Variants in TMEM255B observed in about 807,000 individuals in gnomAD.
The protein encoded by TMEM255B is transmembrane protein 255B, also known as family with sequence similarity 70, member B.
A neutral mutation model predicts 34.5 loss-of-function variants in TMEM255B; 35 were observed. That is an observed-to-expected ratio of 1.01 (90% CI 0.77 to 1.34). The LOEUF is 1.34. TMEM255B is among the 40% of genes most tolerant of loss of function. The pLI is 0.00. For missense variants in TMEM255B, 432 were observed against 433.2 expected, an observed-to-expected ratio of 1.00 and a Z score of 0.02; for synonymous variants, 206 against 201.2, an observed-to-expected ratio of 1.02 and a Z score of -0.20.
chr13:113,759,291 C>A lies in TMEM255B; in HGVS notation c.22C>A (p.Pro8Thr). Residue 8 changes from proline (P) to threonine (T), a missense_variant, in exon 1 of 9, where the codon CCC becomes ACC. Coordinates refer to ENST00000375353, the MANE Select transcript of TMEM255B (RefSeq NM_182614.4). MQPPVPGPLGLLDPAEGL... is the reference protein window; with the variant it reads MQPPVPGTLGLLDPAEGL... ...CGGGATGCAGCCGCCGGTGCCCGGG[C>A]CCCTGGGCCTGCTGGACCCCGCAGG... 1.6e-6 allele frequency: 2 copies of A among 1,229,132 alleles called. No individual in the cohort carries two copies. The highest frequency in any genetic ancestry group is 2.0e-6 in the Non-Finnish European group (2 of 986,236). 76.1% of individuals were successfully genotyped at this position (1,229,132 alleles called of 1,614,324 possible). A position where few individuals can be genotyped will look rare whatever the true frequency, so the allele number is the denominator to read the frequency against.
intron 3 of TMEM255B, among the ~76,000 whole-genome samples, chr13:113,790,688 G>GCGCGT (rs2050818344): frequency 1.4e-5 from 1 of 73,374 alleles, no homozygotes; most frequent in Non-Finnish European, 3.3e-5. Context: ...TGAACTGACT[G>GCGCGT]GACACATGGA....
rs114645066 is a variant in TMEM255B at position 113,814,752 on chromosome 13, T to G, written c.*2849T>G. The G allele has an allele frequency of 6.6e-6, 1 of 151,876 alleles. No individual in the cohort carries two copies. The highest frequency in any genetic ancestry group is 1.5e-5 in the Non-Finnish European group (1 of 67,984). The allele number at this position is 151,876 out of a possible 1,614,324, so 9.4% of individuals were successfully genotyped here. A position where few individuals can be genotyped will look rare whatever the true frequency, so the allele number is the denominator to read the frequency against. ...CTGGGGCCTTCTGATCCCAGCCTCC[T>G]CTGCAGGGATGGGCTCCCAATCCCG... On this transcript the variant is annotated 3_prime_UTR_variant, in exon 9 of 9. Transcript: ENST00000375353.
In TMEM255B at chr13:113,812,929, CCCGGG is replaced by C. The variant is rs1566341918; in HGVS notation, c.*1027_*1031del. The C allele has an allele frequency of 4.2e-5, 6 of 143,950 alleles. No individual in the cohort carries two copies. The highest frequency in any genetic ancestry group is 1.7e-4 in the African/African-American group (6 of 35,244). 8.9% of individuals were successfully genotyped at this position (143,950 alleles called of 1,614,324 possible). The stretch of plus-strand genomic sequence containing the variant: ...CACAGGCCCCGGGTGAGTCACGGGT[CCCGGG>C]TGGGTCACGGGTCCCGGGTGGGTCA... On this transcript the variant is annotated 3_prime_UTR_variant, in exon 9 of 9. Transcript: ENST00000375353.
At position 113,797,656 on chromosome 13, in the gene TMEM255B, G is replaced by T. The variant is rs115022883; in HGVS notation, c.343-1683G>T. Among the ~76,000 whole-genome samples, 927 of 152,322 alleles carry T rather than the reference G, an allele frequency of 6.1e-3. 10 individuals are homozygous for T. Among genetic ancestry groups the T allele is most frequent in the African/African-American group, 0.021 (891 of 41,556 alleles). On this transcript the variant is annotated intron_variant, in intron 4 of 8. Coordinates refer to ENST00000375353, the MANE Select transcript of TMEM255B (RefSeq NM_182614.4). ...TTGCTGTGTCACCTAGAACGCATCC[G>T]GCCATAATAGTACTTCACCAGTGGG...
intron 3 of TMEM255B, among the ~76,000 whole-genome samples, chr13:113,778,194 C>T (rs955746253): frequency 2.6e-5 from 4 of 152,126 alleles, no homozygotes; most frequent in African/African-American, 9.7e-5. Context: ...AAAAGCCGGC[C>T]GAACAGGAAT....
chr13:113,759,836 G>T (rs1033859988), intron 1 of TMEM255B, among the ~76,000 whole-genome samples: 2 of 152,118 alleles, frequency 1.3e-5, no homozygotes, highest in Non-Finnish European at 2.9e-5. Context: ...CCCCTCTCTC[G>T]TGTTTCTCCC....
At chr13:113,766,481 C>A in intron 2 of TMEM255B, 1 of 686,436 alleles carries the variant, frequency 1.5e-6, no homozygotes. Flanking sequence ...GGTTGAGGTC[C>A]AAGTTGATCT....
At chr13:113,775,870 A>G (rs7981227) in intron 3 of TMEM255B, among the ~76,000 whole-genome samples, 114,987 of 152,182 alleles carry the variant, frequency 0.76, 44,146 homozygotes, top group African/African-American at 0.88. Flanking sequence ...CGGTGGCCCC[A>G]CATCCCCGCC....
chr13:113,790,967 G>A (rs1467881094), intron 3 of TMEM255B, among the ~76,000 whole-genome samples: 1 of 152,248 alleles, frequency 6.6e-6, no homozygotes, highest in African/African-American at 2.4e-5. Context: ...ACATCTGCGA[G>A]GACGTTCGCA....
intron 1 of TMEM255B, among the ~76,000 whole-genome samples, chr13:113,765,798 AG>A (rs1358663894): frequency 6.6e-6 from 1 of 152,198 alleles, no homozygotes; most frequent in Non-Finnish European, 1.5e-5. Context: ...TGGGGACACC[AG>A]GGGGAGAAAG....
intron 3 of TMEM255B, among the ~76,000 whole-genome samples, chr13:113,792,564 G>A (rs540998032): frequency 5.3e-5 from 8 of 152,366 alleles, no homozygotes; most frequent in African/African-American, 1.9e-4. Flanking sequence ...TGTGCACCCA[G>A]AGCCCTGGCT....
Position 113,816,945 on chromosome 13 carries a change from C to T in TMEM255B, c.*5042C>T, listed in dbSNP as rs2051408013. On this transcript the variant is annotated 3_prime_UTR_variant, in exon 9 of 9. Transcript: ENST00000375353. ...ATGGGCTGTGCTGGGATTAGCCCGG[C>T]TGTACATTTGCTTTATGCTTCCGTT... The T allele has an allele frequency of 6.6e-6, 1 of 152,168 alleles. No homozygotes were observed. Among genetic ancestry groups the T allele is most frequent in the African/African-American group, 2.4e-5 (1 of 41,408 alleles). 9.4% of individuals were successfully genotyped at this position (152,168 alleles called of 1,614,324 possible). A position where few individuals can be genotyped will look rare whatever the true frequency, so the allele number is the denominator to read the frequency against.
rs1201010887 is a variant in TMEM255B, at chr13:113,770,428, C to T, written c.252+1268C>T. Among the ~76,000 whole-genome samples, 1 of 152,142 alleles carries T rather than the reference C, an allele frequency of 6.6e-6. No individual in the cohort carries two copies. Among genetic ancestry groups the T allele is most frequent in the East Asian group, 1.9e-4 (1 of 5,182 alleles). On this transcript the variant is annotated intron_variant, in intron 3 of 8. Coordinates refer to ENST00000375353, the MANE Select transcript of TMEM255B (RefSeq NM_182614.4). This position sits in a 1 kb window ranked among gnomAD's most constrained non-coding sequence, Gnocchi z 4.6. ...CCAAACCATATCACCCCGCATGGGA[C>T]CCAGCAAACTCCCACTGCTGCCCAG...
In TMEM255B at chr13:113,805,023, C is replaced by T. The variant is rs1447611215; in HGVS notation, c.808C>T (p.Leu270Phe). The T allele has an allele frequency of 6.3e-7, 1 of 1,599,942 alleles. No individual in the cohort carries two copies. The highest frequency in any genetic ancestry group is 1.1e-5 in the South Asian group (1 of 89,936). ...VPTCSSYPLP[L>F]QPCSRFPVAP... ...GACCTGCTCGTCCTACCCTCTGCCC[C>T]TTCAGGTAGGGCCAGCATCACCTGC... Residue 270 changes from leucine (L) to phenylalanine (F), a missense_variant, in exon 8 of 9, where the codon CTT becomes TTT. Leu to Phe is a conservative substitution (Grantham distance 22). Coordinates refer to ENST00000375353, the MANE Select transcript of TMEM255B (RefSeq NM_182614.4).
intron 3 of TMEM255B, among the ~76,000 whole-genome samples, chr13:113,777,135 G>A (rs921051309): frequency 6.6e-6 from 1 of 152,102 alleles, no homozygotes; most frequent in African/African-American, 2.4e-5. Context: ...AATTTCTCAT[G>A]GAAAGCCACA....
chr13:113,793,720 C>T (rs1026108843), intron 3 of TMEM255B, among the ~76,000 whole-genome samples: 11 of 152,210 alleles, frequency 7.2e-5, no homozygotes, highest in Admixed American at 5.2e-4. Context: ...CACCCAGACT[C>T]GCAGTGAGGG....
intron 5 of TMEM255B, among the ~76,000 whole-genome samples, chr13:113,800,428 G>T (rs1055197851): frequency 6.6e-6 from 1 of 151,922 alleles, no homozygotes; most frequent in Non-Finnish European, 1.5e-5. Context: ...GCTCAAGCCT[G>T]GGGGGAGAGC....
At chr13:113,795,914 C>T (rs945868414) in intron 4 of TMEM255B, among the ~76,000 whole-genome samples, 2 of 106,320 alleles carry the variant, frequency 1.9e-5, no homozygotes, top group African/African-American at 6.7e-5. Flanking sequence ...CACAACACAG[C>T]ACACAGCACA....
In TMEM255B at chr13:113,783,235, T is replaced by C. The variant is rs1022335049; in HGVS notation, c.253-11913T>C. ...CTGAGTTTTTCATAATTAACTGCCTTATGGGCATTTTTGTCCATGCCTGCG... is the reference window on the plus strand; with the variant it reads ...CTGAGTTTTTCATAATTAACTGCCTCATGGGCATTTTTGTCCATGCCTGCG... On this transcript the variant is annotated intron_variant, in intron 3 of 8. Transcript: ENST00000375353. Among the ~76,000 whole-genome samples the C allele has an allele frequency of 3.9e-5, 6 of 152,166 alleles. No individual in the cohort carries two copies. In the South Asian group the frequency reaches 6.2e-4, roughly 16 times the overall value.
Sources: gnomAD v4.1 joint callset for allele counts (sites outside exome capture counted in the v4.1 genomes callset) on GRCh38, gnomAD v4.1.1 for gene constraint, Gnocchi (gnomAD v3.1) non-coding constraint, MANE v1.5 for transcripts, NCBI Gene and HGNC (gene_info 2026-07-23, HGNC 2026-07-21) for gene names.